HPS5: variants seen among roughly 807,000 people sequenced by gnomAD.
HPS5 encodes BLOC-2 complex member HPS5.
A neutral mutation model predicts 128.0 loss-of-function variants in HPS5; 83 were observed. That is an observed-to-expected ratio of 0.65 (90% CI 0.54 to 0.78). The LOEUF (loss-of-function observed/expected upper bound fraction) is 0.78. Among genes scored for constraint, HPS5 ranks in the 30% least tolerant of loss-of-function variants. The pLI is 0.00. For synonymous variants in HPS5, 475 were observed against 470.2 expected (o/e 1.01, Z -0.13); for missense variants, 1,281 against 1,326.2 (o/e 0.97, Z 0.53).
At chr11:18,286,872 C>G in intron 18 of HPS5, 162 bp from the exon 19 acceptor site, 1 of 813,066 alleles carries the variant, frequency 1.2e-6, no homozygotes, top group East Asian at 2.8e-5. Flanking sequence ...GGTGACCAAG[C>G]TCCAAGATAA....
intron 14 of HPS5, 131 bp from the exon 15 acceptor site, chr11:18,293,107 C>T (rs1005966927): frequency 2.3e-5 from 17 of 738,696 alleles, no homozygotes; most frequent in Middle Eastern, 2.6e-4. Flanking sequence ...TTGCAACCTC[C>T]GCCTCCCGGG....
At chr11:18,284,478 C>T (rs1859429676) in intron 20 of HPS5, among the ~76,000 whole-genome samples, 1 of 152,210 alleles carries the variant, frequency 6.6e-6, no homozygotes, top group Non-Finnish European at 1.5e-5. Flanking sequence ...AGCTGGCCTT[C>T]TGTCTCCAGC....
At chr11:18,286,795 T>C (rs764769183) in intron 18 of HPS5, 85 bp from the exon 19 acceptor site, 2 of 1,532,402 alleles carry the variant, frequency 1.3e-6, no homozygotes, top group South Asian at 1.1e-5. Flanking sequence ...GAAAACCTGA[T>C]TAAGAGATGA....
In HPS5 at chr11:18,280,647, C is replaced by G. The variant is rs1169728412; in HGVS notation, c.3330-705G>C. ...AAGTGGAAGCAATTCAAGTGTCTGT[C>G]AACAGATGAATGGATAAACAAAAGG... is the stretch of plus-strand genomic sequence containing the variant. On this transcript the variant is annotated intron_variant, in intron 22 of 22. Transcript: ENST00000349215. 3 of 681,564 alleles carry G rather than the reference C, an allele frequency of 4.4e-6. No homozygotes were observed. The South Asian group carries it at 4.7e-5, about 11-fold the overall frequency. The allele number at this position is 681,564 out of a possible 1,614,324, so 42.2% of individuals were successfully genotyped here.
chr11:18,313,672 T>G (rs1290655241), intron 2 of HPS5, among the ~76,000 whole-genome samples: 1 of 152,150 alleles, frequency 6.6e-6, no homozygotes, highest in African/African-American at 2.4e-5. Flanking sequence ...TCCCAACACT[T>G]TGGGAGGCCA....
At chr11:18,282,330 A>G in intron 21 of HPS5, 110 bp from the exon 22 acceptor site, 1 of 1,235,878 alleles carries the variant, frequency 8.1e-7, no homozygotes, top group Non-Finnish European at 1.2e-6. Context: ...AAAATATTCA[A>G]GAACACAATC....
chr11:18,307,496 A>G (rs1862504443), intron 6 of HPS5, among the ~76,000 whole-genome samples: 1 of 152,096 alleles, frequency 6.6e-6, no homozygotes, highest in South Asian at 2.1e-4. Context: ...GGTACCTAAT[A>G]CAGTGCTAAG....
Position 18,284,880 on chromosome 11 carries a change from C to T in HPS5, c.2951+466G>A, listed in dbSNP as rs188709925. On this transcript the variant is annotated intron_variant, in intron 20 of 22. Transcript: ENST00000349215. ...CTTGCTCTGTTTCTCTCACCTAACT[C>T]ACCCTCTCCTGGCTCCTTTATAAAT... Among the ~76,000 whole-genome samples, 35 of 152,268 alleles carry T rather than the reference C, an allele frequency of 2.3e-4. No homozygotes were observed. The East Asian group carries it at 6.2e-3, about 27-fold the overall frequency.
intron 20 of HPS5, 138 bp downstream of exon 20, chr11:18,285,208 C>A: frequency 7.6e-6 from 4 of 527,310 alleles, no homozygotes; most frequent in South Asian, 2.6e-5. Context: ...TTTACTATCA[C>A]TTAAAACAAA....
intron 12 of HPS5, 184 bp downstream of exon 12, chr11:18,296,614 T>C (rs2134332265): frequency 1.4e-6 from 1 of 723,598 alleles, no homozygotes; most frequent in East Asian, 2.5e-5. Flanking sequence ...GGGGAAAAAA[T>C]ACTAAACATA....
Position 18,279,725 on chromosome 11 carries a change from C to T in HPS5, c.*157G>A, listed in dbSNP as rs916119305. The T allele has an allele frequency of 6.4e-5, 45 of 698,372 alleles. No homozygotes were observed. Among genetic ancestry groups the T allele is most frequent in the Non-Finnish European group, 1.0e-4 (39 of 390,126 alleles). The allele number at this position is 698,372 out of a possible 1,614,324, so 43.3% of individuals were successfully genotyped here. A position where few individuals can be genotyped will look rare whatever the true frequency, so the allele number is the denominator to read the frequency against. On this transcript the variant is annotated 3_prime_UTR_variant, in exon 23 of 23. Transcript: ENST00000349215. The stretch of plus-strand genomic sequence containing the variant: ...GTCATGGATAAAGAGTCACAGATGC[C>T]GATGCCAAGGGTACAGACACTGACA...
chr11:18,282,118 C>G lies in HPS5; in HGVS notation c.3161G>C (p.Ser1054Thr), dbSNP rs957221206. 2.4e-5 allele frequency: 39 copies of G among 1,614,198 alleles called. No homozygotes were observed. The highest frequency in any genetic ancestry group is 3.3e-5 in the Non-Finnish European group (39 of 1,180,036). The change falls in exon 22 of 23, where the codon AGT becomes ACT. Residue 1054 changes from serine (S) to threonine (T), a missense_variant. Coordinates refer to ENST00000349215, the MANE Select transcript of HPS5 (RefSeq NM_181507.2). ...APQESLNGSL[S>T]DGPSPINVEN... Reference sequence around the variant, plus strand: ...CACATTGATGGGGGAAGGCCCATCACTGAGGCTCCCATTTAGTGACTCCTG... The same window carrying G: ...CACATTGATGGGGGAAGGCCCATCAGTGAGGCTCCCATTTAGTGACTCCTG...
rs1351289756 is a variant in HPS5, at chr11:18,316,274, AAC to A, written c.108+1475_108+1476del. On this transcript the variant is annotated intron_variant, in intron 2 of 22. Coordinates refer to ENST00000349215, the MANE Select transcript of HPS5 (RefSeq NM_181507.2). ...CTCCCCATTGCACTTAGGCCTGAGC[AAC>A]AGAGACAACCTGTTTCAAAAGAAGA... Among the ~76,000 whole-genome samples the A allele has an allele frequency of 3.3e-5, 5 of 152,244 alleles. No individual in the cohort carries two copies. In the East Asian group the frequency reaches 9.7e-4, roughly 29 times the overall value.
At position 18,316,165 on chromosome 11, in the gene HPS5, A is replaced by C. The variant is rs150811580; in HGVS notation, c.108+1586T>G. On this transcript the variant is annotated intron_variant, in intron 2 of 22. Transcript: ENST00000349215. ...TAAAAATTAGCCTGGCATGGTATCGAGTATGTTTAGTCCCAGCTGCTCAGG... is the reference window on the plus strand; with the variant it reads ...TAAAAATTAGCCTGGCATGGTATCGCGTATGTTTAGTCCCAGCTGCTCAGG... 1.7e-3 allele frequency among the ~76,000 whole-genome samples: 257 copies of C among 152,196 alleles called. 1 individual carries two copies. The highest frequency in any genetic ancestry group is 6.8e-3 in the Middle Eastern group (2 of 294).
chr11:18,291,522 A>C lies in HPS5; in HGVS notation c.2360T>G (p.Leu787Trp), dbSNP rs772596178. Reference protein sequence around the residue: ...FLKKYFFLLNLKRAKESIKLS... With the variant: ...FLKKYFFLLNWKRAKESIKLS... ...CTTGATACTCTCCTTCGCTCTTTTCAAGTTCAGGAGAAAAAAGTACTTCTT... is the reference window on the plus strand; with the variant it reads ...CTTGATACTCTCCTTCGCTCTTTTCCAGTTCAGGAGAAAAAAGTACTTCTT... Residue 787 changes from leucine (L) to tryptophan (W), a missense_variant, in exon 16 of 23, where the codon TTG (leucine) becomes TGG (tryptophan). Transcript: ENST00000349215. 1 of 1,611,962 alleles carries C rather than the reference A, an allele frequency of 6.2e-7. No individual in the cohort carries two copies. The highest frequency in any genetic ancestry group is 8.5e-7 in the Non-Finnish European group (1 of 1,178,996).
At chr11:18,315,473 C>T (rs552730853) in intron 2 of HPS5, among the ~76,000 whole-genome samples, 46 of 152,126 alleles carry the variant, frequency 3.0e-4, no homozygotes, top group Middle Eastern at 3.4e-3. Context: ...ATTAGCCGGG[C>T]GTGGTGGCAG....
Position 18,292,887 on chromosome 11 carries a change from CATT to C in HPS5, c.1862+9_1862+11del. 6.2e-7 allele frequency: 1 copy of C among 1,604,692 alleles called. No homozygotes were observed. Among genetic ancestry groups the C allele is most frequent in the Non-Finnish European group, 8.5e-7 (1 of 1,171,376 alleles). On this transcript the variant is annotated intron_variant, in intron 15 of 22. Coordinates refer to ENST00000349215, the MANE Select transcript of HPS5 (RefSeq NM_181507.2). ...TTGAGACGTCACTATAAAAGTTTCT[CATT>C]ATACTCACATTGCTTCTGCTGTTGC...
chr11:18,288,194 T>A (rs1307793678), intron 16 of HPS5, among the ~76,000 whole-genome samples, 181 bp from the exon 17 acceptor site: 2 of 152,242 alleles, frequency 1.3e-5, no homozygotes, highest in South Asian at 4.1e-4. Context: ...TAATTTCTAC[T>A]TTTAAGAACC....
chr11:18,281,672 A>G (rs1230318212), intron 22 of HPS5, among the ~76,000 whole-genome samples: 1 of 152,064 alleles, frequency 6.6e-6, no homozygotes, highest in African/African-American at 2.4e-5. Context: ...ACAAAGTGCA[A>G]GGATTACAGG....
Sources: gnomAD v4.1 joint callset for allele counts (sites outside exome capture counted in the v4.1 genomes callset) on GRCh38, gnomAD v4.1.1 for gene constraint, MANE v1.5 for transcripts, NCBI Gene and HGNC (gene_info 2026-07-23, HGNC 2026-07-21) for gene names.